Variants in RPS6KB1 observed in about 807,000 individuals in gnomAD.
RPS6KB1 encodes ribosomal protein S6 kinase B1.
RPS6KB1 carries 12 observed loss-of-function variants against 70.2 expected under a neutral mutation model. That is an observed-to-expected ratio of 0.17 (90% confidence interval 0.11 to 0.28). RPS6KB1 has a LOEUF of 0.28. RPS6KB1 is among the 10% of genes least tolerant of loss of function. RPS6KB1 has a pLI of 1.00. For synonymous variants in RPS6KB1, 175 were observed against 211.2 expected, an observed-to-expected ratio of 0.83 and a Z score of 1.49; for missense variants, 270 against 646.6, an observed-to-expected ratio of 0.42 and a Z score of 6.32.
intron 12 of RPS6KB1, among the ~76,000 whole-genome samples, chr17:59,938,184 T>TTTTTTG (rs1568492712): frequency 9.2e-6 from 1 of 109,136 alleles, no homozygotes. Flanking sequence ...TTTTTTTTTT[T>TTTTTTG]GGGGGGGGGA....
intron 4 of RPS6KB1, among the ~76,000 whole-genome samples, chr17:59,916,953 TCA>T (rs1249789127): frequency 5.9e-5 from 9 of 152,168 alleles, no homozygotes; most frequent in Middle Eastern, 3.2e-3. Flanking sequence ...AGAATTTTGC[TCA>T]GTTTTCTTCT....
At chr17:59,928,388 C>CT (rs34381780) in intron 5 of RPS6KB1, among the ~76,000 whole-genome samples, 49,355 of 148,094 alleles carry the variant, frequency 0.33, 8,294 homozygotes, top group East Asian at 0.44. Flanking sequence ...CTTTTCTTTT[C>CT]TTTTTTTTTT....
intron 1 of RPS6KB1, among the ~76,000 whole-genome samples, chr17:59,895,565 A>T (rs961572554): frequency 2.1e-5 from 3 of 144,898 alleles, no homozygotes; most frequent in African/African-American, 7.8e-5. Context: ...TCAGGTGATC[A>T]CCTGCCTCAG....
intron 5 of RPS6KB1, among the ~76,000 whole-genome samples, chr17:59,928,191 A>G (rs1311116778): frequency 2.6e-5 from 4 of 151,858 alleles, no homozygotes; most frequent in South Asian, 2.1e-4. Context: ...AAGAATTCCT[A>G]TATATTTCTC....
chr17:59,913,433 A>G (rs925741419), intron 3 of RPS6KB1, among the ~76,000 whole-genome samples: 7 of 152,216 alleles, frequency 4.6e-5, no homozygotes, highest in African/African-American at 1.7e-4. Context: ...TGCAAAGCAG[A>G]CATTTGTAGC....
At position 59,934,072 on chromosome 17, in the gene RPS6KB1, G is replaced by T. The variant is rs1034744623; in HGVS notation, c.689-98G>T. 21 of 842,544 alleles carry T rather than the reference G, an allele frequency of 2.5e-5. No homozygotes were observed. Among genetic ancestry groups the T allele is most frequent in the Non-Finnish European group, 3.5e-5 (18 of 508,724 alleles). 52.2% of individuals were successfully genotyped at this position (842,544 alleles called of 1,614,324 possible). ...TGCAAGAAAATTTGAGGCAAGAAAA[G>T]TTAAATGGAAGGATAGATTAAAGTA... is the stretch of plus-strand genomic sequence containing the variant. On this transcript the variant is annotated intron_variant, in intron 7 of 14. Transcript: ENST00000225577. The surrounding 1 kb of genome is among the most constrained non-coding windows in gnomAD (Gnocchi z 4.8).
chr17:59,914,410 CAG>C (rs1311076510), intron 3 of RPS6KB1, among the ~76,000 whole-genome samples: 2 of 152,120 alleles, frequency 1.3e-5, no homozygotes, highest in East Asian at 1.9e-4. Context: ...TATAAAGTAA[CAG>C]TGTTTATTAT....
intron 7 of RPS6KB1, among the ~76,000 whole-genome samples, chr17:59,933,924 A>C (rs552733401): frequency 6.6e-6 from 1 of 152,170 alleles, no homozygotes; most frequent in East Asian, 1.9e-4. Context: ...AGGTTATTTC[A>C]CTTTTTTCTC....
intron 6 of RPS6KB1, 148 bp downstream of exon 6, chr17:59,930,322 G>T (rs2043859675): frequency 1.4e-6 from 1 of 695,780 alleles, no homozygotes. Context: ...TTGGGACTGG[G>T]CAGCTATGGA....
Position 59,934,246 on chromosome 17 carries a change from A to G in RPS6KB1, c.765A>G (p.Gly255=). ...HDGTVTHTFC[G]TIEYMAPEIL... Reference sequence around the variant, plus strand: ...GAACAGTCACACACACATTTTGTGGAACAATAGAATACATGTGAGCTACAT... The same window carrying G: ...GAACAGTCACACACACATTTTGTGGGACAATAGAATACATGTGAGCTACAT... The change falls in exon 8 of 15, where the codon GGA becomes GGG. Residue 255 remains glycine, a synonymous_variant. Coordinates refer to ENST00000225577, the MANE Select transcript of RPS6KB1 (RefSeq NM_003161.4). This position sits in a 1 kb window ranked among gnomAD's most constrained non-coding sequence, Gnocchi z 4.8. The G allele has an allele frequency of 1.2e-6, 2 of 1,609,566 alleles. No homozygotes were observed. Among genetic ancestry groups the G allele is most frequent in the Non-Finnish European group, 1.7e-6 (2 of 1,175,888 alleles).
In RPS6KB1 at chr17:59,893,661, G is replaced by A; in HGVS notation, c.141+336G>A. 1.9e-6 allele frequency: 1 copy of A among 529,378 alleles called. No individual in the cohort carries two copies. Among genetic ancestry groups the A allele is most frequent in the Non-Finnish European group, 2.6e-6 (1 of 382,678 alleles). The allele number at this position is 529,378 out of a possible 1,614,324, so 32.8% of individuals were successfully genotyped here. A position where few individuals can be genotyped will look rare whatever the true frequency, so the allele number is the denominator to read the frequency against. On this transcript the variant is annotated intron_variant, in intron 1 of 14. Coordinates refer to ENST00000225577, the MANE Select transcript of RPS6KB1 (RefSeq NM_003161.4). The surrounding 1 kb of genome is among the most constrained non-coding windows in gnomAD (Gnocchi z 4.1). ...GGCGTGAGCGTGTGTTGGGGAGACG[G>A]GGGCTGCTCTTGCTGGGTGTCCCGT...
At chr17:59,938,188 G>GA (rs1345118764) in intron 12 of RPS6KB1, among the ~76,000 whole-genome samples, 5 of 142,984 alleles carry the variant, frequency 3.5e-5, no homozygotes, top group Non-Finnish European at 6.1e-5. Flanking sequence ...TTTTTTTGGG[G>GA]GGGGGATAGG....
chr17:59,935,129 T>C, intron 9 of RPS6KB1, 64 bp from the exon 10 acceptor site: 1 of 914,576 alleles, frequency 1.1e-6, no homozygotes, highest in South Asian at 1.5e-5. Flanking sequence ...ATTCAAAATT[T>C]GTTTCTTATA....
At chr17:59,938,411 TC>T (rs1568493712) in intron 12 of RPS6KB1, among the ~76,000 whole-genome samples, 5 of 151,802 alleles carry the variant, frequency 3.3e-5, no homozygotes, top group Admixed American at 6.6e-5. Flanking sequence ...ATTTTTTTTT[TC>T]TCCTGTTTGT....
chr17:59,921,850 G>A (rs557438439), intron 4 of RPS6KB1, among the ~76,000 whole-genome samples: 6 of 152,038 alleles, frequency 3.9e-5, no homozygotes, highest in South Asian at 2.1e-4. Flanking sequence ...GAAATATTGC[G>A]GTTTCATAGA....
intron 4 of RPS6KB1, among the ~76,000 whole-genome samples, chr17:59,919,105 C>G (rs1000657588): frequency 6.6e-6 from 1 of 152,120 alleles, no homozygotes; most frequent in Admixed American, 6.6e-5. Flanking sequence ...CCATCCACTG[C>G]GCCTGGCCTG....
Position 59,947,018 on chromosome 17 carries a change from G to A in RPS6KB1, c.*230G>A. 1 of 1,355,230 alleles carries A rather than the reference G, an allele frequency of 7.4e-7. No homozygotes were observed. 84.0% of individuals were successfully genotyped at this position (1,355,230 alleles called of 1,614,324 possible). On this transcript the variant is annotated 3_prime_UTR_variant, in exon 15 of 15. Coordinates refer to ENST00000225577, the MANE Select transcript of RPS6KB1 (RefSeq NM_003161.4). Reference sequence around the variant, plus strand: ...GAACTCTTAGGCACATCAATTAATTGATTCCTCGCGACATCTTCTCAACCT... The same window carrying A: ...GAACTCTTAGGCACATCAATTAATTAATTCCTCGCGACATCTTCTCAACCT...
chr17:59,914,588 C>T (rs1342698007), intron 3 of RPS6KB1, 47 bp from the exon 4 acceptor site: 3 of 1,356,336 alleles, frequency 2.2e-6, no homozygotes, highest in Non-Finnish European at 2.1e-6. Flanking sequence ...AGGGAGTATG[C>T]CTGACATAGT....
chr17:59,932,551 T>C (rs1291469142), intron 7 of RPS6KB1, among the ~76,000 whole-genome samples: 1 of 35,402 alleles, frequency 2.8e-5, no homozygotes, highest in East Asian at 1.2e-3. Context: ...ATCAGGTTAC[T>C]TTTTTTTTTT....
Sources: allele counts gnomAD v4.1 joint callset (sites outside exome capture counted in the v4.1 genomes callset), GRCh38; gene constraint gnomAD v4.1.1; non-coding constraint Gnocchi (gnomAD v3.1); transcripts MANE v1.5; gene names NCBI Gene and HGNC (gene_info 2026-07-23, HGNC 2026-07-21).